DACH2: variants seen among roughly 807,000 people sequenced by gnomAD.
The protein encoded by DACH2 is dachshund homolog 2.
Under a neutral mutation model 35.8 loss-of-function variants are expected in DACH2, and 17 were observed. The ratio of observed to expected loss-of-function variants is 0.48; its 90% CI spans 0.33 to 0.71. The LOEUF is 0.71. Ranked by LOEUF, DACH2 falls within the 30% of genes least tolerant of loss-of-function variation. The pLI, the probability that DACH2 is intolerant of heterozygous loss-of-function variation, is 0.02. For missense variants in DACH2, 469 were observed against 472.7 expected (o/e 0.99, Z 0.07); for synonymous variants, 195 against 177.3 (o/e 1.10, Z -0.79).
intron 3 of DACH2, among the ~76,000 whole-genome samples, chrX:86,638,424 G>C (rs2040304845): frequency 8.9e-6 from 1 of 111,771 alleles, no homozygotes. Context: ...GAATTAAACT[G>C]AAAAATTTGG....
chrX:86,295,175 G>A lies in DACH2; in HGVS notation c.489-81649G>A, dbSNP rs765196308. Among the ~76,000 whole-genome samples, 565 of 111,744 alleles carry A rather than the reference G, an allele frequency of 5.1e-3. 2 individuals are homozygous for A. Among genetic ancestry groups the A allele is most frequent in the Non-Finnish European group, 7.6e-3 (401 of 53,063 alleles). Reference sequence around the variant, plus strand: ...CACAGTATTCGGGTGGGAGTGACCCGATTTTCCAGGTGCCGTCTGTCACCC... The same window carrying A: ...CACAGTATTCGGGTGGGAGTGACCCAATTTTCCAGGTGCCGTCTGTCACCC... On this transcript the variant is annotated intron_variant, in intron 1 of 11. Transcript: ENST00000373125.
At chrX:86,678,764 C>G (rs1322023533) in intron 4 of DACH2, among the ~76,000 whole-genome samples, 1 of 111,623 alleles carries the variant, frequency 9.0e-6, no homozygotes, top group Non-Finnish European at 1.9e-5. Flanking sequence ...AGTCATAGAT[C>G]TTTTTAAAAG....
At chrX:86,658,555 C>A (rs1215954220) in intron 4 of DACH2, among the ~76,000 whole-genome samples, 1 of 111,403 alleles carries the variant, frequency 9.0e-6, no homozygotes, top group African/African-American at 3.2e-5. Flanking sequence ...GCATGAATAA[C>A]AACGTGTTCA....
intron 7 of DACH2, among the ~76,000 whole-genome samples, chrX:86,782,515 G>A (rs2042098017): frequency 9.0e-6 from 1 of 111,297 alleles, no homozygotes; most frequent in East Asian, 2.8e-4. Context: ...ATACCACAGA[G>A]CTATAGTGTC....
intron 2 of DACH2, among the ~76,000 whole-genome samples, chrX:86,383,304 A>T (rs999655308): frequency 1.8e-5 from 2 of 109,301 alleles, no homozygotes; most frequent in African/African-American, 6.6e-5. Context: ...CTCAGTATTT[A>T]TTAAAAAACA....
intron 7 of DACH2, among the ~76,000 whole-genome samples, chrX:86,784,497 C>T (rs967258013): frequency 2.7e-5 from 3 of 111,757 alleles, no homozygotes; most frequent in Non-Finnish European, 3.8e-5. Context: ...GGTGAAGCTG[C>T]GGAGAAAAAG....
chrX:86,702,112 C>T (rs999066156), intron 5 of DACH2, among the ~76,000 whole-genome samples: 1 of 111,363 alleles, frequency 9.0e-6, no homozygotes, highest in South Asian at 3.7e-4. Context: ...AAATCAACTG[C>T]CAAAGGAACC....
intron 7 of DACH2, among the ~76,000 whole-genome samples, chrX:86,768,361 C>A (rs1231631515): frequency 9.0e-6 from 1 of 111,401 alleles, no homozygotes; most frequent in Non-Finnish European, 1.9e-5. Context: ...GGTATTTTCC[C>A]TTTGTGTGGA....
At chrX:86,423,747 T>A (rs1457889986) in intron 2 of DACH2, among the ~76,000 whole-genome samples, 4 of 110,923 alleles carry the variant, frequency 3.6e-5, no homozygotes, top group African/African-American at 1.3e-4. Flanking sequence ...ACCAAAGTCC[T>A]GGAGACTTTT....
At chrX:86,659,714 T>C (rs1277052396) in intron 4 of DACH2, among the ~76,000 whole-genome samples, 1 of 111,912 alleles carries the variant, frequency 8.9e-6, no homozygotes, top group Non-Finnish European at 1.9e-5. Flanking sequence ...TGCTACAGTT[T>C]TGTGTGGTTC....
intron 6 of DACH2, among the ~76,000 whole-genome samples, chrX:86,722,868 G>A (rs927682824): frequency 1.8e-5 from 2 of 111,007 alleles, no homozygotes; most frequent in Non-Finnish European, 3.8e-5. Context: ...CATTATTTAG[G>A]GATAATTTCC....
intron 7 of DACH2, among the ~76,000 whole-genome samples, chrX:86,763,208 A>G (rs2041900186): frequency 8.9e-6 from 1 of 111,922 alleles, no homozygotes; most frequent in South Asian, 3.7e-4. Flanking sequence ...CCTGGAAATT[A>G]CCCAAATGCC....
intron 7 of DACH2, among the ~76,000 whole-genome samples, chrX:86,782,361 A>G (rs1038303382): frequency 8.9e-6 from 1 of 111,863 alleles, no homozygotes; most frequent in Admixed American, 9.5e-5. Context: ...TGGAAACACA[A>G]AAGACCCAGA....
intron 3 of DACH2, among the ~76,000 whole-genome samples, chrX:86,547,900 ACT>A (rs1307790881): frequency 1.8e-5 from 2 of 111,680 alleles, no homozygotes; most frequent in African/African-American, 3.3e-5. Flanking sequence ...CCCTGCACAC[ACT>A]CTGTGCTCAG....
intron 2 of DACH2, among the ~76,000 whole-genome samples, chrX:86,472,537 A>G (rs1034088808): frequency 1.8e-5 from 2 of 111,894 alleles, no homozygotes; most frequent in African/African-American, 6.5e-5. Flanking sequence ...CTCTAAGATA[A>G]AAATGTTATA....
intron 1 of DACH2, among the ~76,000 whole-genome samples, chrX:86,299,536 T>C (rs1164300206): frequency 1.8e-5 from 2 of 112,074 alleles, no homozygotes; most frequent in Non-Finnish European, 3.8e-5. Flanking sequence ...TGTTGAGATA[T>C]GATTACTTAA....
chrX:86,277,004 G>T (rs1379268338), intron 1 of DACH2, among the ~76,000 whole-genome samples: 1 of 111,129 alleles, frequency 9.0e-6, no homozygotes. Flanking sequence ...GAATAGGTTG[G>T]GCTGTTCTGG....
intron 3 of DACH2, among the ~76,000 whole-genome samples, chrX:86,549,860 G>C (rs1322638985): frequency 9.7e-6 from 1 of 103,603 alleles, no homozygotes; most frequent in Non-Finnish European, 2.0e-5. Flanking sequence ...TGCAGCCAAG[G>C]AATACATTAA....
Position 86,517,640 on chromosome X carries a change from A to C in DACH2, c.640+3249A>C, listed in dbSNP as rs145570584. Reference sequence around the variant, plus strand: ...TCACCATGTTAGCCAGGATGGTCTCAATCTCCTGACCTCACGATCCACCCA... The same window carrying C: ...TCACCATGTTAGCCAGGATGGTCTCCATCTCCTGACCTCACGATCCACCCA... On this transcript the variant is annotated intron_variant, in intron 3 of 11. Coordinates refer to ENST00000373125, the MANE Select transcript of DACH2 (RefSeq NM_053281.3). Among the ~76,000 whole-genome samples, 118 of 110,044 alleles carry C rather than the reference A, an allele frequency of 1.1e-3. 5 individuals carry two copies. In the East Asian group the frequency reaches 0.031, roughly 29 times the overall value.
Sources: gnomAD v4.1 joint callset for allele counts (sites outside exome capture counted in the v4.1 genomes callset) on GRCh38, gnomAD v4.1.1 for gene constraint, MANE v1.5 for transcripts, NCBI Gene and HGNC (gene_info 2026-07-23, HGNC 2026-07-21) for gene names.